The following KLHL8 variants were observed in gnomAD, a reference collection of about 807,000 sequenced individuals.
KLHL8 encodes the protein kelch-like protein 8.
Under a neutral mutation model 63.5 loss-of-function variants are expected in KLHL8, and 38 were observed. The ratio of observed to expected loss-of-function variants is 0.60; its 90% confidence interval spans 0.46 to 0.78. The LOEUF (loss-of-function observed/expected upper bound fraction) is 0.78. Ranked by LOEUF, KLHL8 falls within the 30% of genes least tolerant of loss-of-function variation. The pLI, the probability that KLHL8 is intolerant of heterozygous loss-of-function variation, is 0.00. For synonymous variants in KLHL8, 224 were observed against 254.3 expected, an observed-to-expected ratio of 0.88 and a Z score of 1.13; for missense variants, 566 against 752.4, an observed-to-expected ratio of 0.75 and a Z score of 2.90.
chr4:87,174,746 T>C (rs1385139519), intron 6 of KLHL8, among the ~76,000 whole-genome samples: 1 of 152,188 alleles, frequency 6.6e-6, no homozygotes, highest in African/African-American at 2.4e-5. Flanking sequence ...ATCCTCACGC[T>C]ATTAACAGAA....
In KLHL8 at chr4:87,161,464, T is replaced by C. The variant is rs1730168501; in HGVS notation, c.*2055A>G. On this transcript the variant is annotated 3_prime_UTR_variant, in exon 10 of 10. Coordinates refer to ENST00000273963, the MANE Select transcript of KLHL8 (RefSeq NM_020803.5). Reference sequence around the variant, plus strand: ...TAGGGTACCAACTTAGTATGTTAGATAACCATTGTATAGTAAAAACCAGAA... The same window carrying C: ...TAGGGTACCAACTTAGTATGTTAGACAACCATTGTATAGTAAAAACCAGAA... 1 of 152,218 alleles carries C rather than the reference T, an allele frequency of 6.6e-6. No individual in the cohort carries two copies. Among genetic ancestry groups the C allele is most frequent in the South Asian group, 2.1e-4 (1 of 4,832 alleles). The allele number at this position is 152,218 out of a possible 1,614,324, so 9.4% of individuals were successfully genotyped here.
intron 1 of KLHL8, among the ~76,000 whole-genome samples, chr4:87,229,908 A>G (rs1733104878): frequency 6.6e-6 from 1 of 152,048 alleles, no homozygotes; most frequent in African/African-American, 2.4e-5. Context: ...TCTTTAGACA[A>G]GAATTAAAAG....
intron 1 of KLHL8, among the ~76,000 whole-genome samples, chr4:87,196,094 C>T (rs907244634): frequency 2.6e-5 from 4 of 151,940 alleles, no homozygotes; most frequent in South Asian, 2.1e-4. Context: ...GGATTACATG[C>T]TTGAACCATC....
At chr4:87,228,213 C>T (rs953504563) in intron 1 of KLHL8, among the ~76,000 whole-genome samples, 1 of 152,148 alleles carries the variant, frequency 6.6e-6, no homozygotes, top group African/African-American at 2.4e-5. Flanking sequence ...TATCTATTAA[C>T]ATTATAACAC....
chr4:87,168,731 T>C (rs1396929517), intron 8 of KLHL8, among the ~76,000 whole-genome samples: 3 of 148,322 alleles, frequency 2.0e-5, no homozygotes, highest in Admixed American at 6.8e-5. Context: ...CGTATATATA[T>C]GTGTGTATAT....
At chr4:87,174,588 TTTTA>T (rs1279295937) in intron 6 of KLHL8, among the ~76,000 whole-genome samples, 2 of 152,146 alleles carry the variant, frequency 1.3e-5, no homozygotes, top group Admixed American at 1.3e-4. Flanking sequence ...CCACCTGCAG[TTTTA>T]TTAAAAGAAA....
At chr4:87,228,906 C>G (rs1733083505) in intron 1 of KLHL8, among the ~76,000 whole-genome samples, 1 of 152,222 alleles carries the variant, frequency 6.6e-6, no homozygotes, top group South Asian at 2.1e-4. Context: ...CACCCATGTA[C>G]CCATAATCTT....
At chr4:87,215,716 C>T (rs2110052991) in intron 1 of KLHL8, among the ~76,000 whole-genome samples, 1 of 152,194 alleles carries the variant, frequency 6.6e-6, no homozygotes, top group African/African-American at 2.4e-5. Context: ...TAAGAATAAA[C>T]TCAGATTTAA....
chr4:87,193,259 C>G (rs1392099685), intron 2 of KLHL8, among the ~76,000 whole-genome samples: 1 of 152,000 alleles, frequency 6.6e-6, no homozygotes, highest in Non-Finnish European at 1.5e-5. Context: ...AAATTTTTTT[C>G]TTTTACTTTT....
chr4:87,192,917 G>A (rs149563698), intron 2 of KLHL8, among the ~76,000 whole-genome samples: 133 of 152,124 alleles, frequency 8.7e-4, no homozygotes, highest in Middle Eastern at 3.4e-3. Flanking sequence ...TTTTTTTAAA[G>A]TACACCCGTA....
chr4:87,185,219 A>G (rs973009246), intron 3 of KLHL8, 32 bp downstream of exon 3: 2 of 1,562,646 alleles, frequency 1.3e-6, no homozygotes, highest in African/African-American at 2.7e-5. Context: ...ATATCACTTC[A>G]TTTCTGTGTG....
chr4:87,228,256 T>C (rs1733069898), intron 1 of KLHL8, among the ~76,000 whole-genome samples: 2 of 152,240 alleles, frequency 1.3e-5, no homozygotes, highest in African/African-American at 4.8e-5. Flanking sequence ...TCCTGTGTTC[T>C]GTGAGTCATT....
chr4:87,231,585 A>T (rs1412878980), intron 1 of KLHL8, among the ~76,000 whole-genome samples: 7 of 151,306 alleles, frequency 4.6e-5, no homozygotes, highest in Admixed American at 1.3e-4. Flanking sequence ...TATAACTTCT[A>T]TGTCCCACAA....
At chr4:87,181,943 C>A (rs1290395346) in intron 4 of KLHL8, among the ~76,000 whole-genome samples, 1 of 152,010 alleles carries the variant, frequency 6.6e-6, no homozygotes, top group African/African-American at 2.4e-5. Flanking sequence ...AAAATCAATT[C>A]TTGGGCCGGG....
At chr4:87,221,481 G>A (rs1560721058), upstream of KLHL8, 2 of 150,440 alleles carry the variant, frequency 1.3e-5, no homozygotes, top group Non-Finnish European at 3.0e-5. Context: ...AAAGTGGAAT[G>A]TGTGAGGCGG....
intron 1 of KLHL8, among the ~76,000 whole-genome samples, chr4:87,202,800 C>G (rs1731971711): frequency 6.6e-6 from 1 of 152,134 alleles, no homozygotes; most frequent in Non-Finnish European, 1.5e-5. Context: ...AAAACACTTT[C>G]CAACTTATTT....
At chr4:87,203,304 G>A (rs1306810805) in intron 1 of KLHL8, among the ~76,000 whole-genome samples, 2 of 152,042 alleles carry the variant, frequency 1.3e-5, no homozygotes, top group African/African-American at 2.4e-5. Flanking sequence ...TTGGGAGGCC[G>A]AGATGGGCGG....
At chr4:87,164,956 G>A (rs987978535) in intron 8 of KLHL8, among the ~76,000 whole-genome samples, 2 of 151,890 alleles carry the variant, frequency 1.3e-5, no homozygotes, top group Non-Finnish European at 2.9e-5. Context: ...AGACCATCCT[G>A]GCTAACACGG....
intron 1 of KLHL8, among the ~76,000 whole-genome samples, chr4:87,202,518 C>G (rs752775858): frequency 3.3e-5 from 5 of 152,114 alleles, no homozygotes; most frequent in Non-Finnish European, 5.9e-5. Context: ...ATTGCAAACC[C>G]CACTGGCATT....
Sources: gnomAD v4.1 joint callset for allele counts (sites outside exome capture counted in the v4.1 genomes callset) on GRCh38, gnomAD v4.1.1 for gene constraint, MANE v1.5 for transcripts, NCBI Gene and HGNC (gene_info 2026-07-23, HGNC 2026-07-21) for gene names.